The following SFMBT2 variants were observed in gnomAD, a reference collection of about 807,000 sequenced individuals.
SFMBT2 encodes the protein scm-like with four MBT domains protein 2.
A neutral mutation model predicts 110.1 loss-of-function variants in SFMBT2; 38 were observed. That is an observed-to-expected ratio of 0.35 (90% CI 0.27 to 0.45). The LOEUF is 0.45. SFMBT2 is among the 20% of genes least tolerant of loss of function. SFMBT2 has a pLI of 1.00. For synonymous variants in SFMBT2, 425 were observed against 425.4 expected, an observed-to-expected ratio of 1.00 and a Z score of 0.01; for missense variants, 1,011 against 1,094.9, an observed-to-expected ratio of 0.92 and a Z score of 1.08.
At chr10:7,164,467 C>G (rs1368440395) in intron 20 of SFMBT2, 3 of 983,948 alleles carry the variant, frequency 3.0e-6, no homozygotes, top group Non-Finnish European at 2.4e-6. Context: ...ACATACCTAC[C>G]CTGGTGGGTA....
At chr10:7,355,454 C>T (rs1363422877) in intron 4 of SFMBT2, among the ~76,000 whole-genome samples, 2 of 152,290 alleles carry the variant, frequency 1.3e-5, no homozygotes, top group East Asian at 1.9e-4. Context: ...ATCCATGTCA[C>T]GTCTAGGGTT....
chr10:7,390,313 A>C (rs1451112345), intron 1 of SFMBT2, among the ~76,000 whole-genome samples: 2 of 152,226 alleles, frequency 1.3e-5, no homozygotes, highest in African/African-American at 2.4e-5. Context: ...CTGTCTTAAA[A>C]GTTTTAATGT....
intron 4 of SFMBT2, among the ~76,000 whole-genome samples, chr10:7,342,910 T>G (rs1260075632): frequency 6.6e-6 from 1 of 151,496 alleles, no homozygotes; most frequent in Non-Finnish European, 1.5e-5. Flanking sequence ...ATTAGATTTT[T>G]TTGTGGGGAG....
chr10:7,373,669 A>C (rs2388049), intron 2 of SFMBT2, among the ~76,000 whole-genome samples: 1 of 152,068 alleles, frequency 6.6e-6, no homozygotes, highest in Non-Finnish European at 1.5e-5. Flanking sequence ...AGAATCCTAG[A>C]GAGGTTTCAA....
chr10:7,390,226 GC>G (rs1444996435), intron 1 of SFMBT2, among the ~76,000 whole-genome samples: 50 of 152,216 alleles, frequency 3.3e-4, no homozygotes, highest in Non-Finnish European at 6.3e-4. Context: ...TAGAAGGTGG[GC>G]AGCCCAGCAA....
intron 4 of SFMBT2, among the ~76,000 whole-genome samples, chr10:7,335,582 AACACACACAC>A (rs3065781): frequency 1.4e-3 from 200 of 142,988 alleles, no homozygotes; most frequent in East Asian, 5.6e-3. Flanking sequence ...CAGAAACAGA[AACACACACAC>A]ACACACACAC....
chr10:7,193,935 G>A (rs902834039), intron 15 of SFMBT2, among the ~76,000 whole-genome samples: 3 of 152,152 alleles, frequency 2.0e-5, no homozygotes, highest in Non-Finnish European at 4.4e-5. Context: ...GGAGAGGTTG[G>A]GGTAGAAGGA....
chr10:7,193,265 C>A (rs1296439666), intron 15 of SFMBT2, among the ~76,000 whole-genome samples: 3 of 152,120 alleles, frequency 2.0e-5, no homozygotes, highest in Admixed American at 2.0e-4. Flanking sequence ...GAAGCTCATG[C>A]GGAAAACCCA....
chr10:7,323,236 C>T (rs891129848), intron 4 of SFMBT2, among the ~76,000 whole-genome samples: 8 of 151,952 alleles, frequency 5.3e-5, no homozygotes. Context: ...GGTTGGTCAC[C>T]TGAGTTTGGG....
At chr10:7,410,328 C>T (rs896226357) in intron 1 of SFMBT2, among the ~76,000 whole-genome samples, 1 of 152,272 alleles carries the variant, frequency 6.6e-6, no homozygotes. Context: ...GTCTCCGATT[C>T]CCCGTCCTCA....
chr10:7,399,294 G>T (rs188764277), intron 1 of SFMBT2, among the ~76,000 whole-genome samples: 1 of 152,158 alleles, frequency 6.6e-6, no homozygotes, highest in Non-Finnish European at 1.5e-5. Context: ...GTGCAGTGGC[G>T]TGATCTTGGT....
chr10:7,250,280 A>T (rs1840761279), intron 7 of SFMBT2, among the ~76,000 whole-genome samples: 1 of 152,030 alleles, frequency 6.6e-6, no homozygotes, highest in African/African-American at 2.4e-5. Context: ...TACTGGTCCC[A>T]TGTTTACATC....
intron 4 of SFMBT2, among the ~76,000 whole-genome samples, chr10:7,325,729 G>T (rs1488244178): frequency 6.6e-6 from 1 of 152,180 alleles, no homozygotes; most frequent in Non-Finnish European, 1.5e-5. Context: ...ATAAATAAGT[G>T]GGGATCTGAC....
intron 5 of SFMBT2, 189 bp from the exon 6 acceptor site, chr10:7,284,339 C>G: frequency 7.6e-7 from 1 of 1,318,080 alleles, no homozygotes; most frequent in Non-Finnish European, 9.9e-7. Context: ...TCCCACACAT[C>G]CATGTACCCC....
rs765472293 is a variant in SFMBT2 at position 7,216,771 on chromosome 10, G to A, written c.1330+3640C>T. The stretch of plus-strand genomic sequence containing the variant: ...GCCTCCTCACCTGGAATCCCCATCC[G>A]TATCTTAAAATGCAACTGTTGCTAT... On this transcript the variant is annotated intron_variant, in intron 11 of 20. Coordinates refer to ENST00000397167, the MANE Select transcript of SFMBT2 (RefSeq NM_001387889.1). 3.1e-4 allele frequency among the ~76,000 whole-genome samples: 47 copies of A among 152,248 alleles called. No individual in the cohort carries two copies. In the Middle Eastern group the frequency reaches 0.02, roughly 66 times the overall value.
intron 4 of SFMBT2, among the ~76,000 whole-genome samples, chr10:7,339,918 G>A (rs555376997): frequency 1.3e-5 from 2 of 152,292 alleles, no homozygotes; most frequent in African/African-American, 4.8e-5. Context: ...CTAAATGCTG[G>A]CCCAGAGGGT....
At chr10:7,341,365 G>A (rs568545177) in intron 4 of SFMBT2, among the ~76,000 whole-genome samples, 47 of 152,114 alleles carry the variant, frequency 3.1e-4, no homozygotes, top group Admixed American at 7.9e-4. Flanking sequence ...TAAATCTAAC[G>A]TTCATTCTGG....
intron 7 of SFMBT2, among the ~76,000 whole-genome samples, chr10:7,274,504 G>C (rs761624439): frequency 2.0e-5 from 3 of 152,100 alleles, no homozygotes; most frequent in Non-Finnish European, 2.9e-5. Flanking sequence ...GATGATAAGG[G>C]CCTTCCCCCT....
At chr10:7,212,681 T>C (rs758475034) in intron 11 of SFMBT2, among the ~76,000 whole-genome samples, 5 of 152,226 alleles carry the variant, frequency 3.3e-5, no homozygotes, top group Non-Finnish European at 5.9e-5. Flanking sequence ...CTAGCTGTTT[T>C]ATACAGCTGT....
Sources: allele counts gnomAD v4.1 joint callset (sites outside exome capture counted in the v4.1 genomes callset), GRCh38; gene constraint gnomAD v4.1.1; transcripts MANE v1.5; gene names NCBI Gene and HGNC (gene_info 2026-07-23, HGNC 2026-07-21).